The following CFAP221 variants were observed in gnomAD, a reference collection of about 807,000 sequenced individuals.
CFAP221 encodes the protein cilia- and flagella-associated protein 221.
In CFAP221, 97 loss-of-function variants were observed where a neutral mutation model predicts 113.1. That is an observed-to-expected ratio of 0.86 (90% CI 0.73 to 1.02). The LOEUF is 1.02. Ranked by LOEUF, CFAP221 falls within the 50% of genes least tolerant of loss-of-function variation. The probability of loss-of-function intolerance (pLI) is 0.00; values close to 1 mark genes in which losing one functional copy is unlikely to be tolerated. For missense variants in CFAP221, 1,025 were observed against 1,013.4 expected, an observed-to-expected ratio of 1.01 and a Z score of -0.16; for synonymous variants, 331 against 354.4, an observed-to-expected ratio of 0.93 and a Z score of 0.74.
In CFAP221 at chr2:119,639,891, T is replaced by A. The variant is rs750258750; in HGVS notation, c.2225+19T>A. The A allele has an allele frequency of 1.1e-5, 17 of 1,602,422 alleles. 1 individual carries two copies. In the South Asian group the frequency reaches 1.9e-4, roughly 18 times the overall value. ...CAAAGAGGTAAGCACAGCTCATCTGTTTGCTCACGAGTATGTGTGCCCCAT... is the reference window on the plus strand; with the variant it reads ...CAAAGAGGTAAGCACAGCTCATCTGATTGCTCACGAGTATGTGTGCCCCAT... On this transcript the variant is annotated intron_variant, in intron 21 of 23. Transcript: ENST00000413369.
intron 6 of CFAP221, among the ~76,000 whole-genome samples, chr2:119,568,499 C>T (rs942853666): frequency 6.6e-6 from 1 of 152,060 alleles, no homozygotes; most frequent in Non-Finnish European, 1.5e-5. Context: ...GTGCCCCCCA[C>T]CTCCCGACAG....
At chr2:119,607,909 T>C (rs1053731478) in intron 11 of CFAP221, among the ~76,000 whole-genome samples, 11 of 152,262 alleles carry the variant, frequency 7.2e-5, no homozygotes, top group African/African-American at 2.7e-4. Flanking sequence ...CATTCATCAG[T>C]TACTGGACAT....
rs529151571 is a variant in CFAP221 at position 119,544,468 on chromosome 2, G to C, written c.-90G>C. 6.6e-6 allele frequency: 1 copy of C among 151,742 alleles called. No individual in the cohort carries two copies. Among genetic ancestry groups the C allele is most frequent in the South Asian group, 2.1e-4 (1 of 4,832 alleles). 9.4% of individuals were successfully genotyped at this position (151,742 alleles called of 1,614,324 possible). A position where few individuals can be genotyped will look rare whatever the true frequency, so the allele number is the denominator to read the frequency against. On this transcript the variant is annotated 5_prime_UTR_variant, in exon 1 of 24. Transcript: ENST00000413369. ...CATGGCGACGCTCCGAGCGGGCGCC[G>C]GCGCTGGCGCCGGCCGAATCCGGCC...
chr2:119,623,492 T>G (rs1686082009), intron 14 of CFAP221, among the ~76,000 whole-genome samples: 1 of 152,220 alleles, frequency 6.6e-6, no homozygotes, highest in Non-Finnish European at 1.5e-5. Context: ...CCATTGACTT[T>G]CTTCACAGAA....
At chr2:119,571,432 G>A (rs186973126) in intron 6 of CFAP221, among the ~76,000 whole-genome samples, 276 of 148,242 alleles carry the variant, frequency 1.9e-3, no homozygotes, top group African/African-American at 6.3e-3. Context: ...GAGCCACCAC[G>A]CCCGGCCAAC....
At chr2:119,559,499 T>C (rs1050107146) in intron 3 of CFAP221, among the ~76,000 whole-genome samples, 190 bp from the exon 4 acceptor site, 3 of 152,156 alleles carry the variant, frequency 2.0e-5, no homozygotes, top group African/African-American at 7.2e-5. Context: ...GCACGTTTTA[T>C]AATTCTTGAA....
At chr2:119,612,778 C>T (rs185550829) in intron 13 of CFAP221, among the ~76,000 whole-genome samples, 52 of 152,274 alleles carry the variant, frequency 3.4e-4, no homozygotes, top group Admixed American at 3.1e-3. Flanking sequence ...ACTGGTCCTC[C>T]AAATCTCATG....
At chr2:119,560,178 C>A (rs562143505) in intron 5 of CFAP221, among the ~76,000 whole-genome samples, 152 bp downstream of exon 5, 1 of 150,362 alleles carries the variant, frequency 6.7e-6, no homozygotes, top group Admixed American at 6.7e-5. Context: ...GTGTGACTGG[C>A]GTGCAAAGCT....
intron 7 of CFAP221, among the ~76,000 whole-genome samples, chr2:119,588,817 T>C (rs1334110448): frequency 6.6e-6 from 1 of 152,136 alleles, no homozygotes; most frequent in Admixed American, 6.5e-5. Context: ...GGACATACAC[T>C]TGGATGTCAC....
At chr2:119,566,174 T>C (rs1319040823) in intron 6 of CFAP221, among the ~76,000 whole-genome samples, 2 of 152,104 alleles carry the variant, frequency 1.3e-5, no homozygotes, top group Non-Finnish European at 2.9e-5. Flanking sequence ...TTTGGAAATT[T>C]GACTAGAAAT....
chr2:119,617,566 C>T (rs540523194), intron 14 of CFAP221, among the ~76,000 whole-genome samples: 18 of 152,356 alleles, frequency 1.2e-4, no homozygotes, highest in Non-Finnish European at 2.5e-4. Flanking sequence ...GGGCTTTGTT[C>T]TGAGTAATGG....
At position 119,630,682 on chromosome 2, in the gene CFAP221, C is replaced by G. The variant is rs188859387; in HGVS notation, c.1839+5C>G. 27 of 1,608,776 alleles carry G rather than the reference C, an allele frequency of 1.7e-5. No homozygotes were observed. In the Admixed American group the frequency reaches 4.0e-4, roughly 24 times the overall value. On this transcript the variant is annotated splice_donor_5th_base_variant and intron_variant, in intron 18 of 23. Coordinates refer to ENST00000413369, the MANE Select transcript of CFAP221 (RefSeq NM_001271049.2). ...GCCCTAAAGCAAGGAGCTGAGGTAA[C>G]ACACCCCCATCTTCCAGAATCTCTC...
At chr2:119,545,233 G>T (rs1008279729) in intron 1 of CFAP221, 1 of 152,216 alleles carries the variant, frequency 6.6e-6, no homozygotes, top group Non-Finnish European at 1.5e-5. Flanking sequence ...CATTTCAGAG[G>T]CTTCGCCGAC....
intron 7 of CFAP221, among the ~76,000 whole-genome samples, chr2:119,599,953 G>A (rs1467268497): frequency 6.6e-6 from 1 of 152,124 alleles, no homozygotes; most frequent in East Asian, 1.9e-4. Flanking sequence ...TGGGCGCAGG[G>A]AGAAGGGAGG....
At chr2:119,581,739 G>A (rs1215097490) in intron 6 of CFAP221, among the ~76,000 whole-genome samples, 2 of 152,208 alleles carry the variant, frequency 1.3e-5, no homozygotes, top group Admixed American at 6.5e-5. Context: ...GCAGGATAAA[G>A]ATAAATTTCT....
intron 8 of CFAP221, chr2:119,602,479 C>T (rs935022985): frequency 8.8e-6 from 3 of 342,136 alleles, no homozygotes; most frequent in Non-Finnish European, 1.2e-5. Context: ...TTTTCCTCTT[C>T]TTTGCGCATG....
downstream of CFAP221, among the ~76,000 whole-genome samples, chr2:119,659,211 C>T (rs11678053): frequency 0.19 from 28,493 of 152,028 alleles, 2,861 homozygotes; most frequent in African/African-American, 0.26. Flanking sequence ...CATCTCCTTG[C>T]GAGAAACACA....
chr2:119,600,540 G>A (rs1408070860), intron 7 of CFAP221, among the ~76,000 whole-genome samples: 1 of 152,098 alleles, frequency 6.6e-6, no homozygotes, highest in Non-Finnish European at 1.5e-5. Flanking sequence ...TTATTGTAAA[G>A]GATTAATATA....
rs553381945 is a variant in CFAP221 at position 119,544,952 on chromosome 2, A to G, written c.-48+442A>G. Among the ~76,000 whole-genome samples, 4 of 147,542 alleles carry G rather than the reference A, an allele frequency of 2.7e-5. No individual in the cohort carries two copies. In the South Asian group the frequency reaches 8.7e-4, roughly 32 times the overall value. ...AGGAGACGGGCTGCAGGCTGATCCT[A>G]GGGCTGGCGTTGAAGGGCTGGAGGG... On this transcript the variant is annotated intron_variant, in intron 1 of 23. Coordinates refer to ENST00000413369, the MANE Select transcript of CFAP221 (RefSeq NM_001271049.2).
Sources: allele counts gnomAD v4.1 joint callset (sites outside exome capture counted in the v4.1 genomes callset), GRCh38; gene constraint gnomAD v4.1.1; transcripts MANE v1.5; gene names NCBI Gene and HGNC (gene_info 2026-07-23, HGNC 2026-07-21).